The following CAB39L variants were observed in gnomAD, a reference collection of about 807,000 sequenced individuals.
CAB39L encodes the protein calcium binding protein 39 like.
CAB39L carries 23 observed loss-of-function variants against 39.1 expected under a neutral mutation model. That is an observed-to-expected ratio of 0.59 (90% CI 0.42 to 0.83). CAB39L has a LOEUF of 0.83. Ranked by LOEUF, CAB39L falls within the 40% of genes least tolerant of loss-of-function variation. The probability of loss-of-function intolerance (pLI) is 0.00; values close to 1 mark genes in which losing one functional copy is unlikely to be tolerated. For synonymous variants in CAB39L, 126 were observed against 137.2 expected, an observed-to-expected ratio of 0.92 and a Z score of 0.57; for missense variants, 366 against 391.9, an observed-to-expected ratio of 0.93 and a Z score of 0.56.
intron 10 of CAB39L, among the ~76,000 whole-genome samples, chr13:49,328,604 G>A (rs1044956163): frequency 3.9e-5 from 6 of 152,088 alleles, no homozygotes; most frequent in Non-Finnish European, 8.8e-5. Context: ...GCCAAGGCAG[G>A]AGGATCACTT....
chr13:49,349,007 T>C (rs1955263664), intron 7 of CAB39L, among the ~76,000 whole-genome samples: 1 of 152,154 alleles, frequency 6.6e-6, no homozygotes, highest in Non-Finnish European at 1.5e-5. Flanking sequence ...TCTCTGACAC[T>C]CTCTCACACT....
intron 10 of CAB39L, among the ~76,000 whole-genome samples, chr13:49,314,441 A>G (rs1052673189): frequency 1.3e-5 from 2 of 152,064 alleles, no homozygotes; most frequent in African/African-American, 4.8e-5. Context: ...ACTGAATTCA[A>G]GGCCTCGTCA....
intron 10 of CAB39L, among the ~76,000 whole-genome samples, chr13:49,327,990 G>T (rs1289503693): frequency 6.6e-6 from 1 of 152,176 alleles, no homozygotes; most frequent in East Asian, 1.9e-4. Flanking sequence ...AACAAAACAT[G>T]GTTATTCGAG....
chr13:49,402,157 T>C (rs1244569058), intron 3 of CAB39L, among the ~76,000 whole-genome samples: 1 of 152,056 alleles, frequency 6.6e-6, no homozygotes, highest in Non-Finnish European at 1.5e-5. Flanking sequence ...AGGTTTTTTT[T>C]CCCCCTAAAC....
intron 9 of CAB39L, among the ~76,000 whole-genome samples, chr13:49,334,061 C>T (rs1337076161): frequency 2.6e-5 from 4 of 152,274 alleles, no homozygotes; most frequent in African/African-American, 9.6e-5. Context: ...CACATCAAAT[C>T]TCCATCTAAG....
At chr13:49,354,990 A>C (rs1955446968) in intron 6 of CAB39L, among the ~76,000 whole-genome samples, 1 of 152,214 alleles carries the variant, frequency 6.6e-6, no homozygotes, top group Non-Finnish European at 1.5e-5. Context: ...AATACCTGGA[A>C]AGCTTTTGTA....
intron 3 of CAB39L, among the ~76,000 whole-genome samples, chr13:49,398,203 T>C (rs1956682582): frequency 6.6e-6 from 1 of 152,074 alleles, no homozygotes; most frequent in African/African-American, 2.4e-5. Context: ...ACTATATGAG[T>C]TTCTGCTAGA....
At chr13:49,323,129 GA>G in intron 10 of CAB39L, among the ~76,000 whole-genome samples, 1 of 152,256 alleles carries the variant, frequency 6.6e-6, no homozygotes, top group East Asian at 1.9e-4. Flanking sequence ...CACCTCAGAG[GA>G]ACTGTGCAGT....
chr13:49,320,316 C>G (rs1185167572), intron 10 of CAB39L, among the ~76,000 whole-genome samples: 1 of 152,176 alleles, frequency 6.6e-6, no homozygotes, highest in Non-Finnish European at 1.5e-5. Context: ...ACAAATGAAA[C>G]TACCCAGGAC....
chr13:49,381,079 C>T lies in CAB39L; in HGVS notation c.111+1721G>A, dbSNP rs147514333. ...GGTAGCTGGGATTACAGGCACCCAC[C>T]ACCGTGCCTGGCTAATTTTTGTATT... On this transcript the variant is annotated intron_variant, in intron 4 of 10. Coordinates refer to ENST00000409308, the MANE Select transcript of CAB39L (RefSeq NM_001079670.3). 7.9e-3 allele frequency among the ~76,000 whole-genome samples: 1,196 copies of T among 152,256 alleles called. 14 individuals are homozygous for T. Among genetic ancestry groups the T allele is most frequent in the African/African-American group, 0.026 (1,064 of 41,534 alleles).
At chr13:49,418,545 T>C (rs1204390275) in intron 3 of CAB39L, among the ~76,000 whole-genome samples, 1 of 152,244 alleles carries the variant, frequency 6.6e-6, no homozygotes, top group Non-Finnish European at 1.5e-5. Flanking sequence ...ACATTAATTC[T>C]ATCTCAATAA....
At chr13:49,415,315 G>C (rs1340519748) in intron 3 of CAB39L, among the ~76,000 whole-genome samples, 2 of 151,792 alleles carry the variant, frequency 1.3e-5, no homozygotes, top group African/African-American at 4.8e-5. Flanking sequence ...AAGAGTTCAA[G>C]ACCAGCCTGG....
In CAB39L at chr13:49,377,387, G is replaced by A. The variant is rs938308465; in HGVS notation, c.112-256C>T. Among the ~76,000 whole-genome samples, 6 of 85,410 alleles carry A rather than the reference G, an allele frequency of 7.0e-5. 2 individuals are homozygous for A. 56.0% of individuals were successfully genotyped at this position (85,410 alleles called of 152,430 possible). On this transcript the variant is annotated intron_variant, in intron 4 of 10. Transcript: ENST00000409308. ...CCGGGGCTATACAAGAAACTTTTTCGGCTCTCCCTCTCCCTCTCCCTCTCC... is the reference window on the plus strand; with the variant it reads ...CCGGGGCTATACAAGAAACTTTTTCAGCTCTCCCTCTCCCTCTCCCTCTCC...
intron 5 of CAB39L, among the ~76,000 whole-genome samples, chr13:49,363,127 T>C (rs1291626816): frequency 6.6e-6 from 1 of 152,150 alleles, no homozygotes; most frequent in Non-Finnish European, 1.5e-5. Flanking sequence ...AAAAGGATGT[T>C]AATGAGCAAG....
intron 7 of CAB39L, among the ~76,000 whole-genome samples, chr13:49,345,500 T>C (rs866684838): frequency 2.0e-5 from 3 of 152,128 alleles, no homozygotes; most frequent in Non-Finnish European, 4.4e-5. Flanking sequence ...GGAAAACCAT[T>C]TACAGGGGTT....
At chr13:49,403,433 CT>C (rs1956814942) in intron 3 of CAB39L, among the ~76,000 whole-genome samples, 1 of 151,960 alleles carries the variant, frequency 6.6e-6, no homozygotes, top group Non-Finnish European at 1.5e-5. Context: ...TTCACAATAT[CT>C]GACATCCAGT....
At chr13:49,325,820 A>C (rs752063271) in intron 10 of CAB39L, among the ~76,000 whole-genome samples, 2 of 151,476 alleles carry the variant, frequency 1.3e-5, no homozygotes, top group Non-Finnish European at 2.9e-5. Context: ...ATAATATTAA[A>C]AAGTGGGTCC....
chr13:49,421,672 A>T (rs953919139), intron 3 of CAB39L, among the ~76,000 whole-genome samples: 6 of 151,628 alleles, frequency 4.0e-5, no homozygotes. Context: ...GTAATAAGGC[A>T]CTCCTCTACC....
intron 10 of CAB39L, among the ~76,000 whole-genome samples, chr13:49,320,076 C>A (rs2138350330): frequency 6.6e-6 from 1 of 152,192 alleles, no homozygotes; most frequent in Admixed American, 6.5e-5. Context: ...TCTGCCGCCT[C>A]TAAAAGTAGT....
Sources: allele counts gnomAD v4.1 joint callset (sites outside exome capture counted in the v4.1 genomes callset), GRCh38; gene constraint gnomAD v4.1.1; transcripts MANE v1.5; gene names NCBI Gene and HGNC (gene_info 2026-07-23, HGNC 2026-07-21).